The following ATRNL1 variants were observed in gnomAD, a reference collection of about 807,000 sequenced individuals.
ATRNL1 encodes the protein attractin like 1, also known as attractin-like protein 1.
In ATRNL1, 95 loss-of-function variants were observed where a neutral mutation model predicts 182.7. The ratio of observed to expected loss-of-function variants is 0.52; its 90% confidence interval spans 0.44 to 0.62. The LOEUF (loss-of-function observed/expected upper bound fraction) is 0.62. ATRNL1 is among the 20% of genes least tolerant of loss of function. ATRNL1 has a pLI of 0.00. For synonymous variants in ATRNL1, 576 were observed against 568.3 expected (o/e 1.01, Z -0.19); for missense variants, 1,471 against 1,679.5 (o/e 0.88, Z 2.17).
intron 26 of ATRNL1, among the ~76,000 whole-genome samples, chr10:115,672,095 T>C (rs577573242): frequency 1.3e-5 from 2 of 152,246 alleles, no homozygotes; most frequent in South Asian, 4.1e-4. Flanking sequence ...ATAACATAAT[T>C]GTATATAACA....
chr10:115,264,549 A>G (rs1192695345), intron 10 of ATRNL1, among the ~76,000 whole-genome samples: 1 of 151,564 alleles, frequency 6.6e-6, no homozygotes, highest in Non-Finnish European at 1.5e-5. Context: ...GTTAGTATAT[A>G]TGTCAGTTCT....
intron 26 of ATRNL1, among the ~76,000 whole-genome samples, chr10:115,587,003 A>G (rs80271579): frequency 0.44 from 57,984 of 132,622 alleles, 14,202 homozygotes; most frequent in East Asian, 0.82. Context: ...CTCTGTTGGA[A>G]TACCTGGCCG....
chr10:115,365,971 G>A (rs191909000), intron 19 of ATRNL1, among the ~76,000 whole-genome samples: 237 of 152,296 alleles, frequency 1.6e-3, no homozygotes, highest in Non-Finnish European at 2.9e-3. Flanking sequence ...TAGGTGTGGT[G>A]TGGTGCTGAA....
chr10:115,759,833 A>G (rs2960723), intron 27 of ATRNL1, among the ~76,000 whole-genome samples: 136,512 of 138,674 alleles, frequency 0.98, 67,234 homozygotes, highest in Middle Eastern at 1. Context: ...GCACCACCAC[A>G]CCTGGCTATT....
intron 1 of ATRNL1, among the ~76,000 whole-genome samples, chr10:115,108,115 CTG>C (rs1280695483): frequency 6.6e-6 from 1 of 152,190 alleles, no homozygotes; most frequent in African/African-American, 2.4e-5. Flanking sequence ...CATATACAAA[CTG>C]TGACTTTTCC....
chr10:115,107,525 C>T (rs1844066786), intron 1 of ATRNL1, among the ~76,000 whole-genome samples: 1 of 152,168 alleles, frequency 6.6e-6, no homozygotes, highest in African/African-American at 2.4e-5. Flanking sequence ...TAGCAGCTCT[C>T]ATGGGTTGGA....
chr10:115,895,157 T>TA (rs1283335802), intron 28 of ATRNL1, among the ~76,000 whole-genome samples: 1 of 152,106 alleles, frequency 6.6e-6, no homozygotes, highest in Non-Finnish European at 1.5e-5. Flanking sequence ...TTTCTAAAAG[T>TA]AAAAAATAAA....
chr10:115,581,050 T>C (rs1855039189), intron 26 of ATRNL1, among the ~76,000 whole-genome samples: 1 of 152,152 alleles, frequency 6.6e-6, no homozygotes, highest in African/African-American at 2.4e-5. Context: ...TGGAGATTTA[T>C]CTTGGTTTTT....
intron 26 of ATRNL1, among the ~76,000 whole-genome samples, chr10:115,649,362 C>A (rs1859836556): frequency 6.6e-6 from 1 of 152,082 alleles, no homozygotes; most frequent in Non-Finnish European, 1.5e-5. Context: ...TTATTTCCAG[C>A]CTTCCTTAAT....
chr10:115,098,820 C>G (rs1394232753), intron 1 of ATRNL1, among the ~76,000 whole-genome samples: 7 of 152,128 alleles, frequency 4.6e-5, no homozygotes, highest in African/African-American at 1.4e-4. Flanking sequence ...CCCTTATATA[C>G]TGCCCTAATA....
At chr10:115,361,570 C>A (rs115596738) in intron 19 of ATRNL1, among the ~76,000 whole-genome samples, 1,962 of 152,106 alleles carry the variant, frequency 0.013, 38 homozygotes, top group African/African-American at 0.044. Context: ...ACAACCTCAC[C>A]TACATCAATA....
chr10:115,707,544 C>T (rs1555053394), intron 26 of ATRNL1, among the ~76,000 whole-genome samples: 1 of 151,510 alleles, frequency 6.6e-6, no homozygotes, highest in Non-Finnish European at 1.5e-5. Context: ...AACATTATTC[C>T]AAATCTTATT....
At chr10:115,420,631 A>G (rs1427414144) in intron 20 of ATRNL1, among the ~76,000 whole-genome samples, 1 of 152,152 alleles carries the variant, frequency 6.6e-6, no homozygotes, top group Non-Finnish European at 1.5e-5. Flanking sequence ...AAACAGCCTA[A>G]TGTTGTACCT....
At chr10:115,940,622 AT>A (rs1953698110) in intron 28 of ATRNL1, among the ~76,000 whole-genome samples, 1 of 152,056 alleles carries the variant, frequency 6.6e-6, no homozygotes, top group Non-Finnish European at 1.5e-5. Flanking sequence ...AGTTAAGAAA[AT>A]TAGATTCCTT....
chr10:115,932,819 A>T (rs1353958113), intron 28 of ATRNL1, among the ~76,000 whole-genome samples: 1 of 152,150 alleles, frequency 6.6e-6, no homozygotes, highest in Admixed American at 6.5e-5. Flanking sequence ...TTTAATATTC[A>T]TTGTGGTATA....
chr10:115,573,973 T>C (rs908478078), intron 26 of ATRNL1, among the ~76,000 whole-genome samples: 3 of 152,190 alleles, frequency 2.0e-5, no homozygotes, highest in Admixed American at 1.3e-4. Context: ...TGTCCGATTG[T>C]AGGAGAACCT....
chr10:115,532,461 T>A (rs1385225716), intron 25 of ATRNL1, among the ~76,000 whole-genome samples: 2 of 152,176 alleles, frequency 1.3e-5, no homozygotes, highest in Non-Finnish European at 2.9e-5. Context: ...CTTGTGATTT[T>A]TGTACATTGA....
intron 15 of ATRNL1, among the ~76,000 whole-genome samples, chr10:115,297,190 T>C (rs530449471): frequency 1.3e-5 from 2 of 152,222 alleles, no homozygotes; most frequent in Non-Finnish European, 2.9e-5. Context: ...TGAGGTAGCA[T>C]GTAGGAGAGA....
intron 26 of ATRNL1, among the ~76,000 whole-genome samples, chr10:115,573,670 G>A (rs1049793249): frequency 1.3e-5 from 2 of 152,112 alleles, no homozygotes; most frequent in Non-Finnish European, 2.9e-5. Flanking sequence ...TTACAACTCA[G>A]TGAGCAAGAT....
Sources: allele counts gnomAD v4.1 joint callset (sites outside exome capture counted in the v4.1 genomes callset), GRCh38; gene constraint gnomAD v4.1.1; transcripts MANE v1.5; gene names NCBI Gene and HGNC (gene_info 2026-07-23, HGNC 2026-07-21).